The following WDR70 variants were observed in gnomAD, a reference collection of about 807,000 sequenced individuals.
The protein encoded by WDR70 is WD repeat domain 70, also known as WD repeat-containing protein 70.
Under a neutral mutation model 88.6 loss-of-function variants are expected in WDR70, and 53 were observed. The ratio of observed to expected loss-of-function variants is 0.60; its 90% CI spans 0.48 to 0.75. The LOEUF is 0.75. Among genes scored for constraint, WDR70 ranks in the 30% least tolerant of loss-of-function variants. WDR70 has a pLI of 0.00. For synonymous variants in WDR70, 280 were observed against 270.0 expected, an observed-to-expected ratio of 1.04 and a Z score of -0.36; for missense variants, 610 against 823.2, an observed-to-expected ratio of 0.74 and a Z score of 3.17.
rs1741316293 is a variant in WDR70, at chr5:37,527,354, A to G, written c.917+10764A>G. On this transcript the variant is annotated intron_variant, in intron 9 of 17. Coordinates refer to ENST00000265107, the MANE Select transcript of WDR70 (RefSeq NM_018034.4). Reference sequence around the variant, plus strand: ...CACATCTACAACCATCTGATCTTTGACAAACCTGACAAAAACAAGAAATGG... The same window carrying G: ...CACATCTACAACCATCTGATCTTTGGCAAACCTGACAAAAACAAGAAATGG... Among the ~76,000 whole-genome samples the G allele has an allele frequency of 2.0e-5, 3 of 152,310 alleles. No homozygotes were observed. In the Middle Eastern group the frequency reaches 0.01, roughly 518 times the overall value.
chr5:37,585,510 C>A (rs1483083771), intron 9 of WDR70, among the ~76,000 whole-genome samples: 3 of 152,190 alleles, frequency 2.0e-5, no homozygotes, highest in Non-Finnish European at 4.4e-5. Context: ...GAGTAGGGTT[C>A]TATCAGTGAC....
chr5:37,656,261 C>T (rs1432224996), intron 10 of WDR70, among the ~76,000 whole-genome samples: 1 of 152,218 alleles, frequency 6.6e-6, no homozygotes, highest in Non-Finnish European at 1.5e-5. Flanking sequence ...GCCTGGGTAT[C>T]ACCAGCGGAG....
intron 9 of WDR70, among the ~76,000 whole-genome samples, chr5:37,534,162 T>C (rs1157734386): frequency 1.3e-5 from 2 of 152,192 alleles, no homozygotes; most frequent in African/African-American, 2.4e-5. Flanking sequence ...TGCTCAATAC[T>C]GTTCATGAAC....
intron 9 of WDR70, among the ~76,000 whole-genome samples, chr5:37,539,986 C>T (rs1482416423): frequency 6.6e-6 from 1 of 152,148 alleles, no homozygotes; most frequent in Non-Finnish European, 1.5e-5. Flanking sequence ...AAGTTTGTGA[C>T]TTTTGATCTA....
chr5:37,533,324 A>T (rs10043479), intron 9 of WDR70, among the ~76,000 whole-genome samples: 4,850 of 152,318 alleles, frequency 0.032, 261 homozygotes, highest in African/African-American at 0.11. Context: ...GGCTGGGCAC[A>T]GTGTCTTATT....
chr5:37,467,597 C>G (rs1440055112), intron 7 of WDR70, among the ~76,000 whole-genome samples: 1 of 150,422 alleles, frequency 6.6e-6, no homozygotes, highest in Non-Finnish European at 1.5e-5. Context: ...AGTGCAGTGG[C>G]ACAATCTTGG....
rs144511522 is a variant in WDR70, at chr5:37,518,354, C to T, written c.917+1764C>T. 2.7e-3 allele frequency among the ~76,000 whole-genome samples: 417 copies of T among 151,972 alleles called. 3 individuals carry two copies. The highest frequency in any genetic ancestry group is 9.6e-3 in the African/African-American group (396 of 41,422). On this transcript the variant is annotated intron_variant, in intron 9 of 17. Transcript: ENST00000265107. ...CCATCCTTAACTCATTCCCATACTC[C>T]GCTACCCTCTTCAGCGTCTGGTAAC...
intron 9 of WDR70, among the ~76,000 whole-genome samples, chr5:37,600,906 AC>A (rs1405261032): frequency 6.6e-6 from 1 of 152,144 alleles, no homozygotes; most frequent in Non-Finnish European, 1.5e-5. Context: ...CTGCTCTAAC[AC>A]TTTTTTTGTT....
At chr5:37,722,367 C>T (rs1414697491) in intron 14 of WDR70, 2 of 160,352 alleles carry the variant, frequency 1.2e-5, no homozygotes, top group Non-Finnish European at 2.7e-5. Flanking sequence ...GTTAATCCCA[C>T]ACATTCTTGG....
At chr5:37,405,813 A>G (rs890465888) in intron 5 of WDR70, among the ~76,000 whole-genome samples, 1 of 152,184 alleles carries the variant, frequency 6.6e-6, no homozygotes, top group Non-Finnish European at 1.5e-5. Context: ...TAGGAGCTTC[A>G]TGCAAGAGGA....
At chr5:37,486,629 G>T (rs1166561255) in intron 8 of WDR70, among the ~76,000 whole-genome samples, 1 of 152,172 alleles carries the variant, frequency 6.6e-6, no homozygotes, top group Non-Finnish European at 1.5e-5. Context: ...ATAGGCGTGA[G>T]CCACCATGCC....
At chr5:37,444,336 CTTTTTTTTT>C (rs70978817) in intron 7 of WDR70, among the ~76,000 whole-genome samples, 23 of 94,184 alleles carry the variant, frequency 2.4e-4, no homozygotes, top group African/African-American at 8.1e-4. Context: ...CAGCCTTTCT[CTTTTTTTTT>C]TTTTTTTTTT....
chr5:37,587,864 C>T (rs1474939015), intron 9 of WDR70, among the ~76,000 whole-genome samples: 5 of 150,540 alleles, frequency 3.3e-5, no homozygotes, highest in African/African-American at 9.8e-5. Flanking sequence ...ACTGTAACCT[C>T]CACCTCCCGG....
At chr5:37,387,650 T>G (rs1236483998) in intron 3 of WDR70, among the ~76,000 whole-genome samples, 1 of 5,790 alleles carries the variant, frequency 1.7e-4, no homozygotes, top group Non-Finnish European at 6.3e-4. Flanking sequence ...TTCATAAGAG[T>G]TTTTTTTTTT....
intron 9 of WDR70, among the ~76,000 whole-genome samples, chr5:37,561,641 G>A (rs1258354840): frequency 6.6e-6 from 1 of 152,148 alleles, no homozygotes; most frequent in African/African-American, 2.4e-5. Flanking sequence ...TGGTGTAGGA[G>A]GGTCTCAGCA....
At chr5:37,723,158 G>A (rs1016366145) in intron 15 of WDR70, 1 of 563,648 alleles carries the variant, frequency 1.8e-6, no homozygotes, top group Non-Finnish European at 3.2e-6. Flanking sequence ...ACCCAAAAGG[G>A]AAAAGCCTGT....
chr5:37,666,814 T>C (rs995813400), intron 10 of WDR70, among the ~76,000 whole-genome samples: 1 of 152,198 alleles, frequency 6.6e-6, no homozygotes, highest in Non-Finnish European at 1.5e-5. Flanking sequence ...ATCCTGGCTC[T>C]GCCCCTTACT....
chr5:37,670,707 A>G (rs925739466), intron 10 of WDR70, among the ~76,000 whole-genome samples: 1 of 152,224 alleles, frequency 6.6e-6, no homozygotes, highest in South Asian at 2.1e-4. Flanking sequence ...GTCTGGCTCT[A>G]TAGTCTGTGC....
chr5:37,598,468 T>C (rs4869530), intron 9 of WDR70, among the ~76,000 whole-genome samples: 62,360 of 152,022 alleles, frequency 0.41, 14,939 homozygotes, highest in Non-Finnish European at 0.54. Context: ...AAATACCAGG[T>C]CTTTTCTGCT....
Sources: gnomAD v4.1 joint callset for allele counts (sites outside exome capture counted in the v4.1 genomes callset) on GRCh38, gnomAD v4.1.1 for gene constraint, MANE v1.5 for transcripts, NCBI Gene and HGNC (gene_info 2026-07-23, HGNC 2026-07-21) for gene names.